Variants in AKAP12 observed in about 807,000 individuals in gnomAD.
AKAP12 encodes A-kinase anchor protein 12.
Under a neutral mutation model 79.9 loss-of-function variants are expected in AKAP12, and 32 were observed. The ratio of observed to expected loss-of-function variants is 0.40; its 90% CI spans 0.30 to 0.54. AKAP12 has a LOEUF of 0.54. AKAP12 is among the 20% of genes least tolerant of loss of function. AKAP12 has a pLI of 0.48. For synonymous variants in AKAP12, 808 were observed against 857.0 expected (o/e 0.94, Z 1.00); for missense variants, 2,074 against 2,177.0 (o/e 0.95, Z 0.94).
chr6:151,328,054 G>C (rs552199330), intron 3 of AKAP12, among the ~76,000 whole-genome samples: 1 of 152,296 alleles, frequency 6.6e-6, no homozygotes, highest in East Asian at 1.9e-4. Flanking sequence ...ACAACCGGGC[G>C]CGGTGGCTCA....
intron 3 of AKAP12, among the ~76,000 whole-genome samples, chr6:151,344,774 T>A (rs1166507318): frequency 1.3e-5 from 2 of 152,090 alleles, no homozygotes; most frequent in African/African-American, 4.8e-5. Context: ...CCTTAAATGA[T>A]CCACCTGCCT....
At position 151,348,736 on chromosome 6, in the gene AKAP12, G is replaced by A. The variant is rs772140757; in HGVS notation, c.345G>A (p.Val115=). 30 of 1,481,374 alleles carry A rather than the reference G, an allele frequency of 2.0e-5. No individual in the cohort carries two copies. The highest frequency in any genetic ancestry group is 3.9e-5 in the Admixed American group (2 of 51,142). The allele number at this position is 1,481,374 out of a possible 1,614,324, so 91.8% of individuals were successfully genotyped here. A position where few individuals can be genotyped will look rare whatever the true frequency, so the allele number is the denominator to read the frequency against. The change falls in exon 4 of 5, where the codon GTG becomes GTA. Residue 115 remains valine (V), a synonymous_variant. Transcript: ENST00000402676. ...TEVGQRDSED[V]SKRDSDKEMA... The stretch of plus-strand genomic sequence containing the variant: ...TTGGACAGAGAGACTCTGAAGATGT[G>A]AGCAAAAGAGACTCCGATAAAGAGA...
intron 3 of AKAP12, chr6:151,341,628 G>A: frequency 9.9e-7 from 1 of 1,011,604 alleles, no homozygotes; most frequent in Non-Finnish European, 1.2e-6. Flanking sequence ...ACGGGCGGCT[G>A]TTGGGCTGCC....
chr6:151,351,118 G>T lies in AKAP12; in HGVS notation c.2727G>T (p.Arg909Ser). 6 of 1,614,216 alleles carry T rather than the reference G, an allele frequency of 3.7e-6. No homozygotes were observed. The highest frequency in any genetic ancestry group is 5.1e-6 in the Non-Finnish European group (6 of 1,180,042). The change falls in exon 4 of 5, where the codon AGG becomes AGT. Residue 909 changes from arginine to serine, a missense_variant. Coordinates refer to ENST00000402676, the MANE Select transcript of AKAP12 (RefSeq NM_005100.4). The surrounding 1 kb of genome is among the most constrained non-coding windows in gnomAD (Gnocchi z 4.4). The part of the protein sequence containing the change: ...GTRAATIIEE[R>S]SPSWISASVT... Reference sequence around the variant, plus strand: ...GGGCAGCTACCATTATTGAAGAAAGGTCTCCTTCTTGGATATCTGCTTCAG... The same window carrying T: ...GGGCAGCTACCATTATTGAAGAAAGTTCTCCTTCTTGGATATCTGCTTCAG...
chr6:151,251,542 A>C (rs1797174351), intron 2 of AKAP12, among the ~76,000 whole-genome samples: 1 of 152,204 alleles, frequency 6.6e-6, no homozygotes, highest in African/African-American at 2.4e-5. Context: ...TGGAAGATGG[A>C]GTACCTCTAT....
chr6:151,256,777 G>C (rs989142224), intron 2 of AKAP12, among the ~76,000 whole-genome samples: 2 of 151,744 alleles, frequency 1.3e-5, no homozygotes, highest in African/African-American at 2.4e-5. Flanking sequence ...ATCCTTTCAA[G>C]TATCTGGAAC....
intron 2 of AKAP12, among the ~76,000 whole-genome samples, chr6:151,253,548 A>G (rs75229424): frequency 0.088 from 13,404 of 152,202 alleles, 684 homozygotes; most frequent in Middle Eastern, 0.15. Context: ...TTCAACATCA[A>G]TAATATATTG....
intron 3 of AKAP12, among the ~76,000 whole-genome samples, chr6:151,344,200 T>G (rs921619042): frequency 6.6e-6 from 1 of 152,186 alleles, no homozygotes; most frequent in Non-Finnish European, 1.5e-5. Context: ...AATGTTTAGT[T>G]CTCAGAGGTA....
chr6:151,268,563 A>C (rs1257171549), intron 2 of AKAP12, among the ~76,000 whole-genome samples: 1 of 152,226 alleles, frequency 6.6e-6, no homozygotes, highest in African/African-American at 2.4e-5. Flanking sequence ...CTTCTAACCA[A>C]ATACCCATAT....
chr6:151,244,863 C>T (rs1452981990), intron 2 of AKAP12, among the ~76,000 whole-genome samples: 1 of 152,210 alleles, frequency 6.6e-6, no homozygotes, highest in African/African-American at 2.4e-5. Context: ...TACCGATAGA[C>T]TGCAGGAATC....
At chr6:151,259,918 T>G (rs1272859505) in intron 2 of AKAP12, among the ~76,000 whole-genome samples, 1 of 151,856 alleles carries the variant, frequency 6.6e-6, no homozygotes, top group Admixed American at 6.6e-5. Context: ...TTTTTTTCCT[T>G]GCACAAAGCA....
chr6:151,348,392 G>A, intron 3 of AKAP12: 1 of 499,306 alleles, frequency 2.0e-6, no homozygotes, highest in South Asian at 1.5e-5. Flanking sequence ...TAATCCCACT[G>A]CTTTGAGAAG....
intron 3 of AKAP12, among the ~76,000 whole-genome samples, chr6:151,342,702 C>T (rs1336287162): frequency 2.0e-5 from 3 of 152,218 alleles, no homozygotes; most frequent in East Asian, 1.9e-4. Context: ...CAACTCATAA[C>T]TCACTTACTC....
Position 151,345,578 on chromosome 6 carries a change from T to C in AKAP12, c.320-3133T>C, listed in dbSNP as rs187688807. ...GGGAGGCTGAGGTGGGCGGATCACC[T>C]GAGGCCAGGAGTTCTCGAGACCAGC... On this transcript the variant is annotated intron_variant, in intron 3 of 4. Transcript: ENST00000402676. 2.8e-3 allele frequency among the ~76,000 whole-genome samples: 416 copies of C among 150,950 alleles called. 3 individuals carry two copies. Among genetic ancestry groups the C allele is most frequent in the African/African-American group, 9.8e-3 (405 of 41,232 alleles).
At chr6:151,330,203 A>C (rs2114792424) in intron 3 of AKAP12, among the ~76,000 whole-genome samples, 2 of 152,306 alleles carry the variant, frequency 1.3e-5, no homozygotes, top group Middle Eastern at 3.4e-3. Flanking sequence ...ACATGCCTGT[A>C]GTCCCAGTCA....
At chr6:151,312,950 C>G (rs1777150978) in intron 3 of AKAP12, among the ~76,000 whole-genome samples, 1 of 152,092 alleles carries the variant, frequency 6.6e-6, no homozygotes, top group Admixed American at 6.5e-5. Flanking sequence ...TAGCGCTCAG[C>G]AAATATATGA....
At chr6:151,259,708 C>T (rs1157067513) in intron 2 of AKAP12, among the ~76,000 whole-genome samples, 2 of 151,282 alleles carry the variant, frequency 1.3e-5, no homozygotes, top group Non-Finnish European at 2.9e-5. Flanking sequence ...CCTCGAGTTC[C>T]TGGGACTACA....
intron 2 of AKAP12, among the ~76,000 whole-genome samples, chr6:151,289,674 A>G (rs1776574139): frequency 1.3e-5 from 2 of 152,258 alleles, no homozygotes; most frequent in African/African-American, 2.4e-5. Context: ...GAAAGAAAAG[A>G]AACTAGAGCT....
At chr6:151,291,119 C>A (rs1250057365) in intron 2 of AKAP12, among the ~76,000 whole-genome samples, 2 of 152,212 alleles carry the variant, frequency 1.3e-5, no homozygotes, top group African/African-American at 4.8e-5. Context: ...CCTTCACCAC[C>A]TGTCAGGTTC....
Sources: gnomAD v4.1 joint callset for allele counts (sites outside exome capture counted in the v4.1 genomes callset) on GRCh38, gnomAD v4.1.1 for gene constraint, Gnocchi (gnomAD v3.1) non-coding constraint, MANE v1.5 for transcripts, NCBI Gene and HGNC (gene_info 2026-07-23, HGNC 2026-07-21) for gene names.